The following NPTXR variants were observed in gnomAD, a reference collection of about 807,000 sequenced individuals.
NPTXR encodes neuronal pentraxin receptor.
In NPTXR, 12 loss-of-function variants were observed where a neutral mutation model predicts 32.2. That is an observed-to-expected ratio of 0.37 (90% CI 0.24 to 0.60). The LOEUF is 0.60. Among genes scored for constraint, NPTXR ranks in the 20% least tolerant of loss-of-function variants. The pLI, the probability that NPTXR is intolerant of heterozygous loss-of-function variation, is 0.66. For missense variants in NPTXR, 612 were observed against 682.9 expected (o/e 0.90, Z 1.16); for synonymous variants, 323 against 315.8 (o/e 1.02, Z -0.24).
rs2093121108 is a variant in NPTXR at position 38,834,576 on chromosome 22, C to G, written c.625-6064G>C. Among the ~76,000 whole-genome samples the G allele has an allele frequency of 6.9e-6, 1 of 145,678 alleles. No homozygotes were observed. Among genetic ancestry groups the G allele is most frequent in the African/African-American group, 2.6e-5 (1 of 38,828 alleles). On this transcript the variant is annotated intron_variant, in intron 1 of 4. Coordinates refer to ENST00000333039, the MANE Select transcript of NPTXR (RefSeq NM_014293.4). The surrounding 1 kb of genome is among the most constrained non-coding windows in gnomAD (Gnocchi z 4.4). ...GCTTCTCTGGCAGGGCTGCAGAGCACTCATCCATCCATCCATCCATCCATC... is the reference window on the plus strand; with the variant it reads ...GCTTCTCTGGCAGGGCTGCAGAGCAGTCATCCATCCATCCATCCATCCATC...
At chr22:38,828,160 G>C (rs1220607882) in intron 2 of NPTXR, 127 bp downstream of exon 2, 3 of 708,096 alleles carry the variant, frequency 4.2e-6, no homozygotes, top group African/African-American at 1.8e-5. Flanking sequence ...TCCACTGTGT[G>C]TTCCACAGCC....
intron 1 of NPTXR, among the ~76,000 whole-genome samples, chr22:38,832,196 A>T (rs1228145044): frequency 6.6e-6 from 1 of 152,144 alleles, no homozygotes; most frequent in Admixed American, 6.5e-5. Flanking sequence ...GGCTCGCCGG[A>T]TCGTGTGTGA....
At chr22:38,840,493 G>T (rs1053491982) in intron 1 of NPTXR, among the ~76,000 whole-genome samples, 3 of 152,080 alleles carry the variant, frequency 2.0e-5, no homozygotes, top group African/African-American at 7.2e-5. Context: ...CTGGAGTCAT[G>T]AGACCAGAGA....
intron 1 of NPTXR, among the ~76,000 whole-genome samples, chr22:38,835,903 G>A (rs1232946212): frequency 1.3e-5 from 2 of 152,172 alleles, no homozygotes; most frequent in African/African-American, 2.4e-5. Context: ...CGGGGATGAT[G>A]TGCCCAAGAC....
intron 1 of NPTXR, among the ~76,000 whole-genome samples, chr22:38,838,196 C>T (rs1294209901): frequency 7.4e-6 from 1 of 135,778 alleles, no homozygotes; most frequent in Non-Finnish European, 1.5e-5. Flanking sequence ...ATGTTTCGGG[C>T]GTATCTGGCC....
Position 38,822,766 on chromosome 22 carries a change from C to T in NPTXR, c.1346G>A (p.Trp449Ter), listed in dbSNP as rs1400019249. 6.2e-7 allele frequency: 1 copy of T among 1,614,198 alleles called. No homozygotes were observed. Among genetic ancestry groups the T allele is most frequent in the South Asian group, 1.1e-5 (1 of 91,084 alleles). Residue 449 changes from tryptophan (W) to a stop codon, truncating the protein, a stop_gained, in exon 5 of 5, where the codon TGG (tryptophan) becomes TAG (stop). Coordinates refer to ENST00000333039, the MANE Select transcript of NPTXR (RefSeq NM_014293.4). LOFTEE classifies it low-confidence loss of function (END_TRUNC). ...CTGGGCTGGTGTCAGGGCGTGGTCC[C>T]ACAGGTTAAACTGGGCAATGTCACC...
At position 38,843,074 on chromosome 22, in the gene NPTXR, C is replaced by T. The variant is rs1052873125; in HGVS notation, c.624+161G>A. Among the ~76,000 whole-genome samples the T allele has an allele frequency of 1.3e-5, 2 of 152,236 alleles. No homozygotes were observed. Among genetic ancestry groups the T allele is most frequent in the Admixed American group, 6.5e-5 (1 of 15,290 alleles). The stretch of plus-strand genomic sequence containing the variant: ...CTCAGTCACCGTGCCAGACGCCTGC[C>T]CGCGTTCCCTATCGAAATCCCCCCG... On this transcript the variant is annotated intron_variant, in intron 1 of 4. Transcript: ENST00000333039. This position sits in a 1 kb window ranked among gnomAD's most constrained non-coding sequence, Gnocchi z 5.3.
rs768131103 is a variant in NPTXR at position 38,826,702 on chromosome 22, G to C, written c.896C>G (p.Pro299Arg). The C allele has an allele frequency of 5.0e-5, 81 of 1,614,232 alleles. No individual in the cohort carries two copies. In the Middle Eastern group the frequency reaches 9.9e-4, roughly 20 times the overall value. Residue 299 changes from proline to arginine, a missense_variant, in exon 3 of 5, where the codon CCC becomes CGC. Coordinates refer to ENST00000333039, the MANE Select transcript of NPTXR (RefSeq NM_014293.4). ...GGCGTACATGTAGTTGTTACGGATG[G>C]GGATGCTGATCTTGAAGGCATCTGG...
At chr22:38,841,494 C>T (rs2093131583) in intron 1 of NPTXR, among the ~76,000 whole-genome samples, 1 of 152,266 alleles carries the variant, frequency 6.6e-6, no homozygotes, top group Non-Finnish European at 1.5e-5. Context: ...GAGGAGCCAC[C>T]TGTGCCATCT....
In NPTXR at chr22:38,820,219, G is replaced by A. The variant is rs972498675; in HGVS notation, c.*2390C>T. Reference sequence around the variant, plus strand: ...CTTTGGCTGTTACCGTGGCAACCTAGGTCTCAGCAGGTCTGGCTGAAGCCC... The same window carrying A: ...CTTTGGCTGTTACCGTGGCAACCTAAGTCTCAGCAGGTCTGGCTGAAGCCC... On this transcript the variant is annotated 3_prime_UTR_variant, in exon 5 of 5. Coordinates refer to ENST00000333039, the MANE Select transcript of NPTXR (RefSeq NM_014293.4). 9.8e-5 allele frequency: 15 copies of A among 152,654 alleles called. No homozygotes were observed. The highest frequency in any genetic ancestry group is 3.4e-4 in the African/African-American group (14 of 41,454). 9.5% of individuals were successfully genotyped at this position (152,654 alleles called of 1,614,324 possible).
chr22:38,831,586 C>T (rs1339746982), intron 1 of NPTXR, among the ~76,000 whole-genome samples: 2 of 152,132 alleles, frequency 1.3e-5, no homozygotes, highest in African/African-American at 4.8e-5. Context: ...GGATGGCCCA[C>T]AGGGTGACAG....
chr22:38,831,024 C>T (rs2093115369), intron 1 of NPTXR, among the ~76,000 whole-genome samples: 2 of 152,356 alleles, frequency 1.3e-5, no homozygotes, highest in East Asian at 3.9e-4. Flanking sequence ...CGCTTACATT[C>T]ATCTTTGCTT....
intron 1 of NPTXR, among the ~76,000 whole-genome samples, chr22:38,833,432 A>G (rs1302872482): frequency 1.3e-5 from 2 of 152,170 alleles, no homozygotes; most frequent in Non-Finnish European, 2.9e-5. Flanking sequence ...CCATCCCCTG[A>G]GTTCTGAGTC....
At position 38,843,918 on chromosome 22, in the gene NPTXR, C is replaced by T. The variant is rs1311384883; in HGVS notation, c.-60G>A. ...GGCAGGCGCGGCGGCGGGGTCGGGG[C>T]GCGGAGCCCGGGCGCGCTGGGCCGA... On this transcript the variant is annotated 5_prime_UTR_variant, in exon 1 of 5. Transcript: ENST00000333039. This position sits in a 1 kb window ranked among gnomAD's most constrained non-coding sequence, Gnocchi z 5.3. The T allele has an allele frequency of 6.3e-5, 59 of 930,496 alleles. No individual in the cohort carries two copies. Among genetic ancestry groups the T allele is most frequent in the Non-Finnish European group, 7.3e-5 (57 of 783,020 alleles). 57.6% of individuals were successfully genotyped at this position (930,496 alleles called of 1,614,324 possible).
rs1364406153 is a variant in NPTXR at position 38,828,362 on chromosome 22, T to C, written c.775A>G (p.Ser259Gly). The change falls in exon 2 of 5, where the codon AGC (serine) becomes GGC (glycine). Residue 259 changes from serine (S) to glycine (G), a missense_variant. Coordinates refer to ENST00000333039, the MANE Select transcript of NPTXR (RefSeq NM_014293.4). ...ACTTCCTGCCTCTGCCGGCGGCTGC[T>C]GTGGCTGAGGGCCACACGCTCCTTC... The C allele has an allele frequency of 2.5e-6, 4 of 1,613,026 alleles. No individual in the cohort carries two copies. Among genetic ancestry groups the C allele is most frequent in the East Asian group, 2.2e-5 (1 of 44,884 alleles).
At chr22:38,826,873 G>A in intron 2 of NPTXR, 126 bp from the exon 3 acceptor site, 2 of 1,079,706 alleles carry the variant, frequency 1.9e-6, no homozygotes, top group African/African-American at 1.6e-5. Flanking sequence ...GTGCCTTCAG[G>A]GCTCTCTCTG....
rs1025332688 is a variant in NPTXR at position 38,826,486 on chromosome 22, C to A, written c.1098+14G>T. 3 of 1,591,398 alleles carry A rather than the reference C, an allele frequency of 1.9e-6. No homozygotes were observed. The highest frequency in any genetic ancestry group is 2.6e-6 in the Non-Finnish European group (3 of 1,165,730). ...GCCCTCCCCCAGCCAGCCCTCCCTG[C>A]CAGCCCTGCCTACCTTGTCGTTGAT... On this transcript the variant is annotated intron_variant, in intron 3 of 4. Transcript: ENST00000333039.
chr22:38,838,739 G>A (rs1183710647), intron 1 of NPTXR, among the ~76,000 whole-genome samples: 1 of 152,078 alleles, frequency 6.6e-6, no homozygotes, highest in African/African-American at 2.4e-5. Context: ...CCGCCACCAT[G>A]CCTGGCTAAT....
In NPTXR at chr22:38,819,511, A is replaced by G. The variant is rs1238133533; in HGVS notation, c.*3098T>C. 6.6e-6 allele frequency: 1 copy of G among 152,314 alleles called. No individual in the cohort carries two copies. Among genetic ancestry groups the G allele is most frequent in the Non-Finnish European group, 1.5e-5 (1 of 68,094 alleles). 9.4% of individuals were successfully genotyped at this position (152,314 alleles called of 1,614,324 possible). On this transcript the variant is annotated 3_prime_UTR_variant, in exon 5 of 5. Transcript: ENST00000333039. The stretch of plus-strand genomic sequence containing the variant: ...ATGGCACTCTACACAGGTGAGTGGG[A>G]ACTCAGCCCCTGGACGTAACCCCCT...
Sources: gnomAD v4.1 joint callset for allele counts (sites outside exome capture counted in the v4.1 genomes callset) on GRCh38, gnomAD v4.1.1 for gene constraint, Gnocchi (gnomAD v3.1) non-coding constraint, MANE v1.5 for transcripts, NCBI Gene and HGNC (gene_info 2026-07-23, HGNC 2026-07-21) for gene names.